GABBR2: variants seen among roughly 807,000 people sequenced by gnomAD.
GABBR2 encodes gamma-aminobutyric acid type B receptor subunit 2.
Under a neutral mutation model 105.6 loss-of-function variants are expected in GABBR2, and 23 were observed. The observed-to-expected ratio is 0.22, with a 90% CI of 0.16 to 0.31. The LOEUF (loss-of-function observed/expected upper bound fraction) is 0.31. Ranked by LOEUF, GABBR2 falls within the 10% of genes least tolerant of loss-of-function variation. The pLI is 1.00. For missense variants in GABBR2, 734 were observed against 1,245.5 expected (o/e 0.59, Z 6.18); for synonymous variants, 478 against 499.7 (o/e 0.96, Z 0.58).
At chr9:98,401,509 A>C (rs1441000741) in intron 8 of GABBR2, among the ~76,000 whole-genome samples, 1 of 152,198 alleles carries the variant, frequency 6.6e-6, no homozygotes, top group Non-Finnish European at 1.5e-5. Flanking sequence ...GGCTAGGGTC[A>C]AGCTGGAAAA....
intron 2 of GABBR2, among the ~76,000 whole-genome samples, chr9:98,574,584 T>C (rs1224898678): frequency 6.6e-6 from 1 of 152,208 alleles, no homozygotes; most frequent in Admixed American, 6.5e-5. Flanking sequence ...AGAGAAATAA[T>C]GAAATAATAC....
At chr9:98,533,029 C>G (rs542226016) in intron 3 of GABBR2, among the ~76,000 whole-genome samples, 44 of 152,270 alleles carry the variant, frequency 2.9e-4, no homozygotes, top group African/African-American at 9.9e-4. Context: ...TTTCCACCAA[C>G]AAACAATGTC....
At position 98,385,778 on chromosome 9, in the gene GABBR2, A is replaced by G. The variant is rs148066880; in HGVS notation, c.1530-6T>C. On this transcript the variant is annotated splice_region_variant and splice_polypyrimidine_tract_variant and intron_variant, in intron 10 of 18. Transcript: ENST00000259455. ...GACTCGACATCTTTATGAGCCTGAC[A>G]AGAGAAAGAGACAATAGATTTAACA... 2.0e-4 allele frequency: 328 copies of G among 1,606,020 alleles called. 4 individuals carry two copies. In the East Asian group the frequency reaches 6.4e-3, roughly 31 times the overall value.
chr9:98,399,572 C>T (rs73499079), intron 8 of GABBR2, among the ~76,000 whole-genome samples: 5,450 of 152,164 alleles, frequency 0.036, 346 homozygotes, highest in African/African-American at 0.12. Context: ...CCCTACTCAG[C>T]CCCACCAACC....
chr9:98,644,062 T>TG (rs1564139647), intron 1 of GABBR2, among the ~76,000 whole-genome samples: 2 of 152,342 alleles, frequency 1.3e-5, no homozygotes, highest in East Asian at 3.9e-4. Context: ...TACCATCCAG[T>TG]GCCACCTGTT....
intron 3 of GABBR2, among the ~76,000 whole-genome samples, chr9:98,503,939 T>C (rs1022978673): frequency 1.5e-4 from 23 of 152,146 alleles, no homozygotes; most frequent in African/African-American, 5.6e-4. Context: ...TTCCAGGAGT[T>C]TCCAATGTGT....
chr9:98,294,583 A>G (rs1265844145), intron 17 of GABBR2, among the ~76,000 whole-genome samples: 1 of 151,870 alleles, frequency 6.6e-6, no homozygotes, highest in East Asian at 1.9e-4. Context: ...GGTTCAAGCA[A>G]TTCTCCTGTG....
chr9:98,627,639 C>G (rs900790038), intron 1 of GABBR2, among the ~76,000 whole-genome samples: 1 of 152,252 alleles, frequency 6.6e-6, no homozygotes, highest in Non-Finnish European at 1.5e-5. Flanking sequence ...AGTGTCCACA[C>G]AGGGCAGGTG....
intron 13 of GABBR2, 33 bp downstream of exon 13, chr9:98,362,682 C>G (rs779284052): frequency 2.0e-6 from 3 of 1,470,494 alleles, no homozygotes; most frequent in Non-Finnish European, 1.8e-6. Flanking sequence ...GCTGCATCTG[C>G]AGGCTTCCCT....
chr9:98,423,984 CTG>C (rs1446083668), intron 7 of GABBR2, among the ~76,000 whole-genome samples: 1 of 152,154 alleles, frequency 6.6e-6, no homozygotes, highest in Non-Finnish European at 1.5e-5. Flanking sequence ...ATCTATATCT[CTG>C]TTTTGGTACC....
intron 3 of GABBR2, among the ~76,000 whole-genome samples, chr9:98,503,959 G>A (rs1827454720): frequency 6.6e-6 from 1 of 152,142 alleles, no homozygotes; most frequent in Non-Finnish European, 1.5e-5. Flanking sequence ...TAGCTAAAGT[G>A]GCTACTGATT....
chr9:98,364,330 G>A (rs919248988), intron 12 of GABBR2, among the ~76,000 whole-genome samples: 4 of 152,168 alleles, frequency 2.6e-5, no homozygotes, highest in South Asian at 4.1e-4. Flanking sequence ...TCATATCTAC[G>A]TGATGCTGAA....
intron 13 of GABBR2, among the ~76,000 whole-genome samples, chr9:98,335,497 C>T (rs1358465658): frequency 6.6e-6 from 1 of 152,170 alleles, no homozygotes; most frequent in Non-Finnish European, 1.5e-5. Flanking sequence ...GGCTGCACAC[C>T]AGAACCCATG....
At chr9:98,324,087 C>T (rs75945229) in intron 13 of GABBR2, among the ~76,000 whole-genome samples, 2 of 152,176 alleles carry the variant, frequency 1.3e-5, no homozygotes, top group African/African-American at 4.8e-5. Context: ...CAAGCTCACA[C>T]ATCAAGAATT....
At position 98,631,882 on chromosome 9, in the gene GABBR2, C is replaced by G. The variant is rs554940855; in HGVS notation, c.322-53810G>C. Among the ~76,000 whole-genome samples, 4 of 152,304 alleles carry G rather than the reference C, an allele frequency of 2.6e-5. No homozygotes were observed. In the East Asian group the frequency reaches 7.7e-4, roughly 29 times the overall value. ...CAATGAGCAAACTTGATAATTTAGG[C>G]AGTTTAGCAATTGGATTGAAATTTT... On this transcript the variant is annotated intron_variant, in intron 1 of 18. Transcript: ENST00000259455.
chr9:98,648,124 G>GT (rs1564140825), intron 1 of GABBR2, among the ~76,000 whole-genome samples: 11 of 58,864 alleles, frequency 1.9e-4, no homozygotes, highest in Non-Finnish European at 2.5e-4. Flanking sequence ...TGTATAGATA[G>GT]ATAGATAGAT....
chr9:98,501,718 A>G (rs983882439), intron 3 of GABBR2, among the ~76,000 whole-genome samples: 2 of 152,206 alleles, frequency 1.3e-5, no homozygotes, highest in Non-Finnish European at 2.9e-5. Context: ...GGTGAGACCA[A>G]TGACTCCTCA....
At chr9:98,511,268 A>C (rs1827636733) in intron 3 of GABBR2, among the ~76,000 whole-genome samples, 1 of 150,570 alleles carries the variant, frequency 6.6e-6, no homozygotes, top group African/African-American at 2.5e-5. Context: ...GTGTAGAGGG[A>C]AATTTATAGC....
chr9:98,433,197 G>A (rs1221830904), intron 7 of GABBR2, among the ~76,000 whole-genome samples: 1 of 152,176 alleles, frequency 6.6e-6, no homozygotes, highest in Non-Finnish European at 1.5e-5. Flanking sequence ...TATGCCGCAG[G>A]GACTCTGCCA....
Sources: allele counts gnomAD v4.1 joint callset (sites outside exome capture counted in the v4.1 genomes callset), GRCh38; gene constraint gnomAD v4.1.1; transcripts MANE v1.5; gene names NCBI Gene and HGNC (gene_info 2026-07-23, HGNC 2026-07-21).